Variants in SLC25A21 observed in about 807,000 individuals in gnomAD.
SLC25A21 encodes the protein solute carrier family 25 member 21.
In SLC25A21, 47 loss-of-function variants were observed where a neutral mutation model predicts 43.8. The observed-to-expected ratio is 1.07, with a 90% CI of 0.85 to 1.37. The LOEUF is 1.37. SLC25A21 is among the 40% of genes most tolerant of loss of function. The pLI, the probability that SLC25A21 is intolerant of heterozygous loss-of-function variation, is 0.00. For missense variants in SLC25A21, 352 were observed against 350.2 expected (o/e 1.00, Z -0.04); for synonymous variants, 131 against 121.3 (o/e 1.08, Z -0.52).
intron 4 of SLC25A21, 117 bp downstream of exon 4, chr14:36,734,390 C>A: frequency 3.2e-6 from 2 of 617,262 alleles, no homozygotes; most frequent in South Asian, 6.7e-5. Flanking sequence ...GCTATAATTT[C>A]TGCATTAAAA....
At chr14:36,706,561 G>C (rs746858378) in intron 7 of SLC25A21, among the ~76,000 whole-genome samples, 1 of 151,794 alleles carries the variant, frequency 6.6e-6, no homozygotes, top group African/African-American at 2.4e-5. Context: ...GTTAGACTCA[G>C]AGTTTCCAGG....
At chr14:36,871,537 C>T (rs1162570920) in intron 2 of SLC25A21, among the ~76,000 whole-genome samples, 1 of 152,168 alleles carries the variant, frequency 6.6e-6, no homozygotes, top group Non-Finnish European at 1.5e-5. Context: ...GCCACATAAC[C>T]TAGCCTGTCT....
chr14:37,152,049 T>A (rs1169627458), intron 1 of SLC25A21, among the ~76,000 whole-genome samples: 1 of 151,970 alleles, frequency 6.6e-6, no homozygotes, highest in Non-Finnish European at 1.5e-5. Flanking sequence ...ATAATAATAA[T>A]AATAGAGATT....
At chr14:37,172,193 A>C in intron 1 of SLC25A21, 88 bp downstream of exon 1, 1 of 1,338,014 alleles carries the variant, frequency 7.5e-7, no homozygotes, top group African/African-American at 1.5e-5. Flanking sequence ...GCAGAACTTC[A>C]GTAAGGAGAC....
intron 3 of SLC25A21, among the ~76,000 whole-genome samples, chr14:36,745,534 T>C (rs1210892815): frequency 6.6e-6 from 1 of 152,206 alleles, no homozygotes; most frequent in Non-Finnish European, 1.5e-5. Context: ...ATGATCACCA[T>C]TCTAACTGGC....
chr14:37,124,743 G>A (rs1469442644), intron 1 of SLC25A21, among the ~76,000 whole-genome samples: 2 of 152,250 alleles, frequency 1.3e-5, no homozygotes, highest in South Asian at 2.1e-4. Flanking sequence ...CTGGTGGGAG[G>A]TGACTGGATC....
chr14:36,884,929 C>T (rs1890870880), intron 1 of SLC25A21, among the ~76,000 whole-genome samples: 1 of 152,128 alleles, frequency 6.6e-6, no homozygotes, highest in African/African-American at 2.4e-5. Flanking sequence ...TGTCTATTCA[C>T]TCTCTTAATA....
chr14:36,996,788 G>A (rs1307717006), intron 1 of SLC25A21, among the ~76,000 whole-genome samples: 1 of 152,174 alleles, frequency 6.6e-6, no homozygotes. Flanking sequence ...CTTGGCCACG[G>A]CCCTGTCTCC....
chr14:37,091,939 G>A (rs143954323), intron 1 of SLC25A21, among the ~76,000 whole-genome samples: 4,212 of 152,144 alleles, frequency 0.028, 205 homozygotes, highest in African/African-American at 0.094. Flanking sequence ...ATCAGCCTGG[G>A]CAACATGGCA....
At chr14:36,875,386 T>C (rs144769920) in intron 1 of SLC25A21, among the ~76,000 whole-genome samples, 28 of 152,280 alleles carry the variant, frequency 1.8e-4, no homozygotes, top group Non-Finnish European at 3.4e-4. Flanking sequence ...GGAGGCTCTT[T>C]GAATCTCTCC....
chr14:36,988,577 C>T (rs972530536), intron 1 of SLC25A21, among the ~76,000 whole-genome samples: 2 of 152,172 alleles, frequency 1.3e-5, no homozygotes, highest in South Asian at 2.1e-4. Flanking sequence ...TCTAGGAACA[C>T]AGAGGTGACT....
intron 3 of SLC25A21, among the ~76,000 whole-genome samples, chr14:36,744,863 C>CTT (rs75687715): frequency 0.015 from 2,243 of 151,006 alleles, 41 homozygotes; most frequent in African/African-American, 0.041. Context: ...AGGCATTTTT[C>CTT]TTTTTTTTTA....
chr14:36,893,811 T>C (rs74498550), intron 1 of SLC25A21, among the ~76,000 whole-genome samples: 18,268 of 151,518 alleles, frequency 0.12, 1,465 homozygotes, highest in East Asian at 0.36. Context: ...ATCCTTTCCC[T>C]ATTGCCTTTG....
At chr14:37,048,191 C>G (rs1458397455) in intron 1 of SLC25A21, among the ~76,000 whole-genome samples, 2 of 152,012 alleles carry the variant, frequency 1.3e-5, no homozygotes, top group Non-Finnish European at 1.5e-5. Context: ...TGAAAGGAAG[C>G]CAAGAAAAAC....
At chr14:36,946,967 T>C (rs1371751816) in intron 1 of SLC25A21, among the ~76,000 whole-genome samples, 2 of 152,336 alleles carry the variant, frequency 1.3e-5, no homozygotes, top group East Asian at 3.9e-4. Context: ...TCTTTAGTAA[T>C]AATTGCTTTT....
At chr14:37,066,259 A>G (rs1962058302) in intron 1 of SLC25A21, among the ~76,000 whole-genome samples, 2 of 152,142 alleles carry the variant, frequency 1.3e-5, no homozygotes, top group African/African-American at 4.8e-5. Flanking sequence ...GGAATATTCT[A>G]TTTCTAAAAG....
intron 3 of SLC25A21, among the ~76,000 whole-genome samples, chr14:36,805,218 C>T (rs898277331): frequency 2.6e-5 from 4 of 152,158 alleles, no homozygotes; most frequent in Non-Finnish European, 4.4e-5. Context: ...TCACTGCAAA[C>T]GTTTTCACTT....
intron 1 of SLC25A21, among the ~76,000 whole-genome samples, chr14:36,894,146 C>T (rs1017776107): frequency 2.6e-5 from 4 of 152,250 alleles, no homozygotes; most frequent in East Asian, 1.9e-4. Context: ...GCCATTTTCA[C>T]GATATTGATT....
chr14:36,967,038 T>G (rs939144569), intron 1 of SLC25A21, among the ~76,000 whole-genome samples: 37 of 152,294 alleles, frequency 2.4e-4, no homozygotes, highest in African/African-American at 8.7e-4. Flanking sequence ...GTCAACAAAA[T>G]GTACCTGCCG....
Sources: gnomAD v4.1 joint callset for allele counts (sites outside exome capture counted in the v4.1 genomes callset) on GRCh38, gnomAD v4.1.1 for gene constraint, MANE v1.5 for transcripts, NCBI Gene and HGNC (gene_info 2026-07-23, HGNC 2026-07-21) for gene names.